The following TCERG1L variants were observed in gnomAD, a reference collection of about 807,000 sequenced individuals.
TCERG1L encodes the protein transcription elongation regulator 1-like protein.
Under a neutral mutation model 56.3 loss-of-function variants are expected in TCERG1L, and 37 were observed. The ratio of observed to expected loss-of-function variants is 0.66; its 90% CI spans 0.51 to 0.87. The LOEUF is 0.87. TCERG1L is among the 40% of genes least tolerant of loss of function. The pLI is 0.00. For synonymous variants in TCERG1L, 324 were observed against 326.3 expected (o/e 0.99, Z 0.08); for missense variants, 799 against 774.2 (o/e 1.03, Z -0.38).
chr10:131,202,307 C>T (rs975628745), intron 4 of TCERG1L, among the ~76,000 whole-genome samples: 1 of 152,174 alleles, frequency 6.6e-6, no homozygotes, highest in Non-Finnish European at 1.5e-5. Flanking sequence ...TTTCGCCGGG[C>T]GCGGTGGTTC....
intron 6 of TCERG1L, among the ~76,000 whole-genome samples, chr10:131,148,671 T>TTCAC (rs1199915270): frequency 1.1e-5 from 1 of 94,978 alleles, no homozygotes; most frequent in Non-Finnish European, 2.6e-5. Flanking sequence ...TGCCTGGCCT[T>TTCAC]GAGGCTGGAG....
In TCERG1L at chr10:131,214,049, C is replaced by T. The variant is rs534190841; in HGVS notation, c.856+46210G>A. 1.9e-3 allele frequency among the ~76,000 whole-genome samples: 150 copies of T among 78,246 alleles called. 2 individuals are homozygous for T. Among genetic ancestry groups the T allele is most frequent in the African/African-American group, 5.4e-3 (135 of 25,084 alleles). 51.3% of individuals were successfully genotyped at this position (78,246 alleles called of 152,430 possible). ...TTAATGTTACATACGCACACACACA[C>T]GCACACACACACGCACAACAGTTAC... is the stretch of plus-strand genomic sequence containing the variant. On this transcript the variant is annotated intron_variant, in intron 4 of 11. Coordinates refer to ENST00000368642, the MANE Select transcript of TCERG1L (RefSeq NM_174937.4).
intron 3 of TCERG1L, among the ~76,000 whole-genome samples, chr10:131,291,730 T>G (rs1301036197): frequency 1.3e-5 from 2 of 151,896 alleles, no homozygotes; most frequent in African/African-American, 2.4e-5. Flanking sequence ...CCGGCCTCCA[T>G]AAACAGCATT....
chr10:131,133,761 A>C (rs1469740020), intron 8 of TCERG1L, among the ~76,000 whole-genome samples: 4 of 152,290 alleles, frequency 2.6e-5, no homozygotes, highest in Middle Eastern at 3.4e-3. Context: ...CCCCAACTTG[A>C]TGGAAAACAG....
At chr10:131,153,402 T>C (rs1018895091) in intron 6 of TCERG1L, among the ~76,000 whole-genome samples, 1 of 152,272 alleles carries the variant, frequency 6.6e-6, no homozygotes, top group Middle Eastern at 3.4e-3. Flanking sequence ...AAGCCCCGCG[T>C]GCTCATTCCC....
intron 3 of TCERG1L, among the ~76,000 whole-genome samples, chr10:131,276,184 T>C (rs1353928636): frequency 1.3e-5 from 2 of 152,234 alleles, no homozygotes; most frequent in African/African-American, 4.8e-5. Context: ...GTCCTCCTGA[T>C]ATGGGGTTAC....
chr10:131,194,167 C>G (rs1321125526), intron 4 of TCERG1L, among the ~76,000 whole-genome samples: 1 of 152,266 alleles, frequency 6.6e-6, no homozygotes, highest in Non-Finnish European at 1.5e-5. Flanking sequence ...TAAAGGTTCG[C>G]TTTGCTTTTT....
chr10:131,279,032 C>T (rs932684310), intron 3 of TCERG1L, among the ~76,000 whole-genome samples: 3 of 152,174 alleles, frequency 2.0e-5, no homozygotes, highest in African/African-American at 4.8e-5. Context: ...TCCAGAAGCC[C>T]GGAAACCTTG....
In TCERG1L at chr10:131,216,949, G is replaced by A. The variant is rs539273933; in HGVS notation, c.856+43310C>T. On this transcript the variant is annotated intron_variant, in intron 4 of 11. Transcript: ENST00000368642. ...CATCTCTACCCAGGGCACAGGACCA[G>A]GCTGGCCATGGCTCATCCCTTCTGG... is the stretch of plus-strand genomic sequence containing the variant. Among the ~76,000 whole-genome samples, 3 of 152,306 alleles carry A rather than the reference G, an allele frequency of 2.0e-5. No homozygotes were observed. The East Asian group carries it at 5.8e-4, about 29-fold the overall frequency.
chr10:131,266,305 G>C (rs532652182), intron 3 of TCERG1L, among the ~76,000 whole-genome samples: 2 of 152,200 alleles, frequency 1.3e-5, no homozygotes, highest in African/African-American at 2.4e-5. Context: ...ATTCATGAGA[G>C]TTGAAATCAG....
At chr10:131,132,970 GC>G (rs1845634694) in intron 8 of TCERG1L, among the ~76,000 whole-genome samples, 1 of 152,108 alleles carries the variant, frequency 6.6e-6, no homozygotes, top group Non-Finnish European at 1.5e-5. Context: ...GGGGAGAAGA[GC>G]CCTTTACCTC....
intron 7 of TCERG1L, among the ~76,000 whole-genome samples, chr10:131,136,003 C>T (rs1224957246): frequency 1.3e-5 from 2 of 152,208 alleles, no homozygotes; most frequent in Non-Finnish European, 2.9e-5. Flanking sequence ...TGGGGGCCGC[C>T]CTGTGCCCTG....
intron 4 of TCERG1L, among the ~76,000 whole-genome samples, chr10:131,245,806 T>C (rs1846028199): frequency 6.6e-6 from 1 of 152,094 alleles, no homozygotes; most frequent in South Asian, 2.1e-4. Context: ...GGCCTTTGTA[T>C]CAGAGCTCTG....
intron 9 of TCERG1L, among the ~76,000 whole-genome samples, chr10:131,105,837 T>C (rs940545280): frequency 5.9e-5 from 9 of 152,234 alleles, no homozygotes; most frequent in African/African-American, 2.2e-4. Context: ...ACTTTGCTTC[T>C]TTTCCTGCTC....
At chr10:131,191,285 T>C (rs919113612) in intron 4 of TCERG1L, among the ~76,000 whole-genome samples, 1 of 144,100 alleles carries the variant, frequency 6.9e-6, no homozygotes, top group African/African-American at 2.6e-5. Context: ...AGAATCAGTA[T>C]TATGAAAATG....
At chr10:131,186,997 A>T (rs1475280253) in intron 4 of TCERG1L, among the ~76,000 whole-genome samples, 2 of 152,202 alleles carry the variant, frequency 1.3e-5, no homozygotes, top group African/African-American at 2.4e-5. Context: ...TCCAGCCCTT[A>T]GGTTGGCTGC....
intron 4 of TCERG1L, among the ~76,000 whole-genome samples, chr10:131,187,321 C>A (rs1279850525): frequency 1.3e-5 from 2 of 152,212 alleles, no homozygotes; most frequent in Non-Finnish European, 2.9e-5. Context: ...TGTGCAACCT[C>A]AGAGTCAGAG....
intron 3 of TCERG1L, among the ~76,000 whole-genome samples, chr10:131,279,993 C>T (rs940506324): frequency 2.6e-5 from 4 of 152,044 alleles, no homozygotes; most frequent in African/African-American, 9.7e-5. Context: ...TCGTGAGCCC[C>T]GAAAATCAGA....
chr10:131,211,866 T>C (rs1845624573), intron 4 of TCERG1L, among the ~76,000 whole-genome samples: 1 of 152,136 alleles, frequency 6.6e-6, no homozygotes, highest in Non-Finnish European at 1.5e-5. Flanking sequence ...ATGTAAGAAA[T>C]ATAAATAGAA....
Sources: allele counts gnomAD v4.1 joint callset (sites outside exome capture counted in the v4.1 genomes callset), GRCh38; gene constraint gnomAD v4.1.1; transcripts MANE v1.5; gene names NCBI Gene and HGNC (gene_info 2026-07-23, HGNC 2026-07-21).